Variants in AHCYL2 observed in about 807,000 individuals in gnomAD.
AHCYL2 encodes S-adenosylhomocysteine hydrolase-like protein 2.
Under a neutral mutation model 81.4 loss-of-function variants are expected in AHCYL2, and 28 were observed. The ratio of observed to expected loss-of-function variants is 0.34; its 90% confidence interval spans 0.25 to 0.47. The LOEUF (loss-of-function observed/expected upper bound fraction) is 0.47, where lower values mean the gene tolerates loss of function less well. AHCYL2 is among the 20% of genes least tolerant of loss of function. The pLI is 1.00. For synonymous variants in AHCYL2, 272 were observed against 290.2 expected (o/e 0.94, Z 0.64); for missense variants, 551 against 785.1 (o/e 0.70, Z 3.56).
At position 129,299,369 on chromosome 7, in the gene AHCYL2, G is replaced by GTTT. The variant is rs71162592; in HGVS notation, c.363+73970_363+73972dup. Among the ~76,000 whole-genome samples the GTTT allele has an allele frequency of 1.6e-3, 74 of 46,306 alleles. 14 individuals carry two copies. Among genetic ancestry groups the GTTT allele is most frequent in the East Asian group, 3.6e-3 (4 of 1,104 alleles). 30.4% of individuals were successfully genotyped at this position (46,306 alleles called of 152,430 possible). ...AGGCTGAGGTGGGAGAGTCCAACTTGTTTTTTTTTTTTTTTTTTTTTTTTT... is the reference window on the plus strand; with the variant it reads ...AGGCTGAGGTGGGAGAGTCCAACTTGTTTTTTTTTTTTTTTTTTTTTTTTTTTT... On this transcript the variant is annotated intron_variant, in intron 1 of 16. Transcript: ENST00000325006.
At chr7:129,268,055 G>C (rs1795879378) in intron 1 of AHCYL2, among the ~76,000 whole-genome samples, 1 of 152,198 alleles carries the variant, frequency 6.6e-6, no homozygotes, top group South Asian at 2.1e-4. Context: ...TGCTATTTTA[G>C]TTCACTCCCT....
At chr7:129,293,675 C>G (rs1373440523) in intron 1 of AHCYL2, among the ~76,000 whole-genome samples, 1 of 151,936 alleles carries the variant, frequency 6.6e-6, no homozygotes, top group Non-Finnish European at 1.5e-5. Flanking sequence ...TTGAGGAAAC[C>G]CAATACACAC....
At chr7:129,330,867 T>A (rs1798395227) in intron 1 of AHCYL2, among the ~76,000 whole-genome samples, 1 of 152,216 alleles carries the variant, frequency 6.6e-6, no homozygotes, top group Non-Finnish European at 1.5e-5. Flanking sequence ...GTCTATGAAC[T>A]CATAGATAAA....
chr7:129,299,369 G>GTTTTTTTTTTTTTTTTT lies in AHCYL2; in HGVS notation c.363+73956_363+73972dup, dbSNP rs71162592. On this transcript the variant is annotated intron_variant, in intron 1 of 16. Coordinates refer to ENST00000325006, the MANE Select transcript of AHCYL2 (RefSeq NM_015328.4). ...AGGCTGAGGTGGGAGAGTCCAACTT[G>GTTTTTTTTTTTTTTTTT]TTTTTTTTTTTTTTTTTTTTTTTTT... Among the ~76,000 whole-genome samples, 11 of 46,308 alleles carry GTTTTTTTTTTTTTTTTT rather than the reference G, an allele frequency of 2.4e-4. 3 individuals are homozygous for GTTTTTTTTTTTTTTTTT. The highest frequency in any genetic ancestry group is 5.7e-4 in the African/African-American group (7 of 12,216). The allele number at this position is 46,308 out of a possible 152,430, so 30.4% of individuals were successfully genotyped here. A position where few individuals can be genotyped will look rare whatever the true frequency, so the allele number is the denominator to read the frequency against.
chr7:129,395,274 C>T (rs1053619839), intron 4 of AHCYL2, among the ~76,000 whole-genome samples: 1 of 152,208 alleles, frequency 6.6e-6, no homozygotes, highest in Non-Finnish European at 1.5e-5. Flanking sequence ...TCATCTGCCG[C>T]ACTAGACTGC....
chr7:129,413,797 C>T, intron 12 of AHCYL2, 109 bp downstream of exon 12: 1 of 860,590 alleles, frequency 1.2e-6, no homozygotes, highest in African/African-American at 1.7e-5. Flanking sequence ...ACTATCCTGG[C>T]AGAGTTGTCC....
Position 129,353,669 on chromosome 7 carries a change from A to G in AHCYL2, c.364-25969A>G, listed in dbSNP as rs538315230. On this transcript the variant is annotated intron_variant, in intron 1 of 16. Transcript: ENST00000325006. ...ATATCATACAGTGACGCCATCTAGT[A>G]GGCCACTGTCTGGAACTTAAGCTCA... Among the ~76,000 whole-genome samples, 3 of 148,292 alleles carry G rather than the reference A, an allele frequency of 2.0e-5. No homozygotes were observed. In the East Asian group the frequency reaches 5.9e-4, roughly 29 times the overall value.
At chr7:129,337,320 T>G (rs1381843907) in intron 1 of AHCYL2, among the ~76,000 whole-genome samples, 2 of 152,220 alleles carry the variant, frequency 1.3e-5, no homozygotes, top group African/African-American at 4.8e-5. Context: ...ATAGTTTATA[T>G]CAAAACATAT....
intron 11 of AHCYL2, chr7:129,410,152 G>A: frequency 1.3e-6 from 2 of 1,596,194 alleles, no homozygotes; most frequent in South Asian, 2.2e-5. Flanking sequence ...AACGATTATT[G>A]GGCTTGGGTT....
intron 1 of AHCYL2, among the ~76,000 whole-genome samples, chr7:129,282,056 A>T (rs750442318): frequency 6.6e-6 from 1 of 152,054 alleles, no homozygotes; most frequent in Non-Finnish European, 1.5e-5. Context: ...TCCTTTGTTG[A>T]TTCCTAATTT....
intron 1 of AHCYL2, among the ~76,000 whole-genome samples, chr7:129,319,980 A>G (rs1460604432): frequency 2.6e-5 from 4 of 152,176 alleles, no homozygotes; most frequent in Non-Finnish European, 5.9e-5. Context: ...GCTTTTATTA[A>G]AAACTGCAAA....
intron 1 of AHCYL2, among the ~76,000 whole-genome samples, chr7:129,341,319 A>C (rs1793170406): frequency 1.3e-5 from 2 of 152,206 alleles, no homozygotes; most frequent in Admixed American, 6.5e-5. Flanking sequence ...CTAGTTAGCA[A>C]GGTTTGTTTG....
chr7:129,279,856 A>G (rs1049701928), intron 1 of AHCYL2, among the ~76,000 whole-genome samples: 2 of 152,150 alleles, frequency 1.3e-5, no homozygotes, highest in Admixed American at 1.3e-4. Context: ...TAGCATACTA[A>G]TGCATTATCA....
At chr7:129,360,643 A>G (rs1389658233) in intron 1 of AHCYL2, among the ~76,000 whole-genome samples, 4 of 152,200 alleles carry the variant, frequency 2.6e-5, no homozygotes, top group African/African-American at 4.8e-5. Flanking sequence ...TTCTTAACCT[A>G]GACCAGGAAC....
chr7:129,297,391 C>CAAGGGA (rs1276876070), intron 1 of AHCYL2, among the ~76,000 whole-genome samples: 4 of 152,112 alleles, frequency 2.6e-5, no homozygotes, highest in African/African-American at 9.7e-5. Flanking sequence ...AGACAGGCCC[C>CAAGGGA]AAGGGAGAAG....
chr7:129,290,855 G>A lies in AHCYL2; in HGVS notation c.363+65416G>A, dbSNP rs570600848. ...TGAGGCAGGAGAATCGCTTGAACCC[G>A]GGAGGTGGAGTGTGCAGTGAGCCGA... is the stretch of plus-strand genomic sequence containing the variant. On this transcript the variant is annotated intron_variant, in intron 1 of 16. Coordinates refer to ENST00000325006, the MANE Select transcript of AHCYL2 (RefSeq NM_015328.4). Among the ~76,000 whole-genome samples, 519 of 151,500 alleles carry A rather than the reference G, an allele frequency of 3.4e-3. 2 individuals carry two copies. The highest frequency in any genetic ancestry group is 0.012 in the African/African-American group (500 of 41,312).
At position 129,406,063 on chromosome 7, in the gene AHCYL2, C is replaced by T. The variant is rs1038785367; in HGVS notation, c.1206+164C>T. ...GAAGTAGACTTTCTTTTTCCCTTTG[C>T]GTTGCCGCCATTTTCCCTTAAGTTG... On this transcript the variant is annotated intron_variant, in intron 9 of 16. Coordinates refer to ENST00000325006, the MANE Select transcript of AHCYL2 (RefSeq NM_015328.4). The surrounding 1 kb of genome is among the most constrained non-coding windows in gnomAD (Gnocchi z 4.3). Among the ~76,000 whole-genome samples the T allele has an allele frequency of 2.6e-5, 4 of 152,296 alleles. No homozygotes were observed. Among genetic ancestry groups the T allele is most frequent in the South Asian group, 4.1e-4 (2 of 4,830 alleles).
chr7:129,369,167 T>C (rs1054105277), intron 1 of AHCYL2, among the ~76,000 whole-genome samples: 1 of 152,110 alleles, frequency 6.6e-6, no homozygotes, highest in Non-Finnish European at 1.5e-5. Flanking sequence ...GACTTATTTG[T>C]TGATAAGAAC....
chr7:129,326,385 G>A (rs920878864), intron 1 of AHCYL2, among the ~76,000 whole-genome samples: 1 of 151,978 alleles, frequency 6.6e-6, no homozygotes, highest in South Asian at 2.1e-4. Context: ...AAATTAGCCG[G>A]GCGTGGTGGC....
Sources: gnomAD v4.1 joint callset for allele counts (sites outside exome capture counted in the v4.1 genomes callset) on GRCh38, gnomAD v4.1.1 for gene constraint, Gnocchi (gnomAD v3.1) non-coding constraint, MANE v1.5 for transcripts, NCBI Gene and HGNC (gene_info 2026-07-23, HGNC 2026-07-21) for gene names.